EPAS1: variants seen among roughly 807,000 people sequenced by gnomAD.
The protein encoded by EPAS1 is endothelial PAS domain-containing protein 1.
A neutral mutation model predicts 87.9 loss-of-function variants in EPAS1; 23 were observed. That is an observed-to-expected ratio of 0.26 (90% CI 0.19 to 0.37). The LOEUF (loss-of-function observed/expected upper bound fraction) is 0.37, where lower values mean the gene tolerates loss of function less well. Among genes scored for constraint, EPAS1 ranks in the 10% least tolerant of loss-of-function variants. The probability of loss-of-function intolerance (pLI) is 1.00; values close to 1 mark genes in which losing one functional copy is unlikely to be tolerated. For missense variants in EPAS1, 1,138 were observed against 1,120.7 expected, an observed-to-expected ratio of 1.02 and a Z score of -0.22; for synonymous variants, 508 against 444.3, an observed-to-expected ratio of 1.14 and a Z score of -1.80.
chr2:46,361,121 C>A (rs755226813), intron 6 of EPAS1, 31 bp downstream of exon 6: 5 of 1,607,926 alleles, frequency 3.1e-6, no homozygotes, highest in Admixed American at 3.3e-5. Flanking sequence ...ATGCTGTGGG[C>A]AGAGATGGGT....
chr2:46,358,264 C>A (rs1255617525), intron 4 of EPAS1, among the ~76,000 whole-genome samples: 1 of 152,228 alleles, frequency 6.6e-6, no homozygotes, highest in African/African-American at 2.4e-5. Context: ...TCACCCAGCT[C>A]CTCTGCTCTC....
At chr2:46,307,731 G>A (rs919711444) in intron 1 of EPAS1, among the ~76,000 whole-genome samples, 6 of 152,086 alleles carry the variant, frequency 3.9e-5, no homozygotes, top group African/African-American at 1.2e-4. Context: ...TTTCCCTGCC[G>A]ACTGACTGGA....
chr2:46,299,094 G>T (rs955709414), intron 1 of EPAS1, among the ~76,000 whole-genome samples: 1 of 152,260 alleles, frequency 6.6e-6, no homozygotes, highest in African/African-American at 2.4e-5. Context: ...CTCGCTAAGG[G>T]AGGGAGGTGA....
At position 46,313,601 on chromosome 2, in the gene EPAS1, A is replaced by G. The variant is rs546125722; in HGVS notation, c.26+15664A>G. 2.2e-4 allele frequency among the ~76,000 whole-genome samples: 34 copies of G among 152,142 alleles called. 1 individual carries two copies. In the East Asian group the frequency reaches 6.0e-3, roughly 27 times the overall value. Reference sequence around the variant, plus strand: ...TGAGTAGCGGGGATTACAGGCACGCACCACCATGCCAGGCTAATATTTGTA... The same window carrying G: ...TGAGTAGCGGGGATTACAGGCACGCGCCACCATGCCAGGCTAATATTTGTA... On this transcript the variant is annotated intron_variant, in intron 1 of 15. Coordinates refer to ENST00000263734, the MANE Select transcript of EPAS1 (RefSeq NM_001430.5).
rs747106791 is a variant in EPAS1, at chr2:46,378,051, C to A, written c.1407C>A (p.Thr469=). 10 of 1,607,100 alleles carry A rather than the reference C, an allele frequency of 6.2e-6. No individual in the cohort carries two copies. The South Asian group carries it at 1.0e-4, about 16-fold the overall frequency. The change falls in exon 10 of 16, where the codon ACC becomes ACA. Residue 469 remains threonine (T), a synonymous_variant. Transcript: ENST00000263734. ...AGGCAGCTGCCCCGGGCAGCACCAC[C>A]CCCAGTGCCACCAGCAGCAGCAGCA... The part of the protein sequence containing the change: ...VPQAAAPGST[T]PSATSSSSSC...
chr2:46,376,629 T>C lies in EPAS1; in HGVS notation c.1125T>C (p.Asp375=). The C allele has an allele frequency of 6.2e-7, 1 of 1,614,180 alleles. No homozygotes were observed. The highest frequency in any genetic ancestry group is 8.5e-7 in the Non-Finnish European group (1 of 1,180,024). ...PHLMAMNSIF[D]SSGKGAVSEK... The stretch of plus-strand genomic sequence containing the variant: ...TGATGGCCATGAACAGCATCTTTGA[T>C]AGCAGTGGCAAGGGGGCTGTGTCTG... Residue 375 remains aspartate (D), a synonymous_variant, in exon 9 of 16, where the codon GAT becomes GAC. Transcript: ENST00000263734.
intron 1 of EPAS1, among the ~76,000 whole-genome samples, chr2:46,301,007 A>C (rs1364571338): frequency 6.6e-6 from 1 of 152,244 alleles, no homozygotes; most frequent in Non-Finnish European, 1.5e-5. Flanking sequence ...TCCACACTTG[A>C]TATGTTTCCA....
chr2:46,356,682 C>T (rs139599383), intron 3 of EPAS1, 42 bp from the exon 4 acceptor site: 1 of 1,481,204 alleles, frequency 6.8e-7, no homozygotes. Flanking sequence ...TCTTTTACTT[C>T]ACTGTTAGGA....
At chr2:46,353,368 G>C (rs1239574706) in intron 2 of EPAS1, among the ~76,000 whole-genome samples, 1 of 152,220 alleles carries the variant, frequency 6.6e-6, no homozygotes, top group South Asian at 2.1e-4. Context: ...CCCAGCAGGG[G>C]CCCGTCCAGG....
chr2:46,332,924 CA>C (rs1229688296), intron 1 of EPAS1, among the ~76,000 whole-genome samples: 10 of 152,140 alleles, frequency 6.6e-5, no homozygotes, highest in Non-Finnish European at 1.5e-4. Flanking sequence ...TGGGACGGGT[CA>C]GGAGGGGAGG....
chr2:46,345,392 C>A (rs549116168), intron 1 of EPAS1, among the ~76,000 whole-genome samples: 33 of 152,278 alleles, frequency 2.2e-4, no homozygotes, highest in Non-Finnish European at 4.1e-4. Flanking sequence ...AAAAAACTCC[C>A]TTTAACCTCA....
chr2:46,339,849 G>A (rs1238121946), intron 1 of EPAS1, among the ~76,000 whole-genome samples: 3 of 152,184 alleles, frequency 2.0e-5, no homozygotes, highest in Admixed American at 6.5e-5. Context: ...ATGGTGGAAG[G>A]GGTGAGAGGG....
At chr2:46,302,418 C>G (rs1481715735) in intron 1 of EPAS1, among the ~76,000 whole-genome samples, 2 of 151,926 alleles carry the variant, frequency 1.3e-5, no homozygotes, top group East Asian at 3.9e-4. Context: ...TTTATTTTAG[C>G]CTGATGAATC....
At position 46,346,731 on chromosome 2, in the gene EPAS1, C is replaced by A; in HGVS notation, c.27-142C>A. 1 of 837,634 alleles carries A rather than the reference C, an allele frequency of 1.2e-6. No individual in the cohort carries two copies. The highest frequency in any genetic ancestry group is 1.9e-6 in the Non-Finnish European group (1 of 513,754). 51.9% of individuals were successfully genotyped at this position (837,634 alleles called of 1,614,324 possible). On this transcript the variant is annotated intron_variant, in intron 1 of 15. Coordinates refer to ENST00000263734, the MANE Select transcript of EPAS1 (RefSeq NM_001430.5). The surrounding 1 kb of genome is among the most constrained non-coding windows in gnomAD (Gnocchi z 4.0). The stretch of plus-strand genomic sequence containing the variant: ...ACAATACAAAGCAGGTTGTGTGTGG[C>A]TCAGACAACTGGTGTGAGCCCAGAT...
chr2:46,383,254 G>C (rs1684942115), intron 15 of EPAS1, among the ~76,000 whole-genome samples: 1 of 152,206 alleles, frequency 6.6e-6, no homozygotes, highest in Non-Finnish European at 1.5e-5. Context: ...CAGGTGCTGA[G>C]AACATGCCAA....
At position 46,384,562 on chromosome 2, in the gene EPAS1, C is replaced by T. The variant is rs958179494; in HGVS notation, c.2515C>T (p.Leu839=). 8 of 1,614,242 alleles carry T rather than the reference C, an allele frequency of 5.0e-6. No homozygotes were observed. Among genetic ancestry groups the T allele is most frequent in the Non-Finnish European group, 6.8e-6 (8 of 1,180,042 alleles). The change falls in exon 16 of 16, where the codon CTG becomes TTG. Residue 839 remains leucine (L), a synonymous_variant. Transcript: ENST00000263734. ...ATTTGAGTCCTACCTGCTGCCCGAA[C>T]TGACCAGATATGACTGTGAGGTGAA... ...PSFESYLLPE[L]TRYDCEVNVP...
chr2:46,356,085 C>A (rs1162915751), intron 2 of EPAS1, 66 bp from the exon 3 acceptor site: 9 of 1,526,786 alleles, frequency 5.9e-6, no homozygotes, highest in South Asian at 1.1e-5. Flanking sequence ...AAATGCCTAT[C>A]TGTGCCAGTC....
chr2:46,318,842 T>C (rs1683397498), intron 1 of EPAS1, among the ~76,000 whole-genome samples: 1 of 152,252 alleles, frequency 6.6e-6, no homozygotes, highest in Non-Finnish European at 1.5e-5. Context: ...TTACATGCTA[T>C]TGTGAAATGC....
intron 1 of EPAS1, among the ~76,000 whole-genome samples, chr2:46,331,156 G>C (rs1352869155): frequency 3.3e-5 from 5 of 152,234 alleles, no homozygotes; most frequent in Non-Finnish European, 4.4e-5. Flanking sequence ...CCAGGTCATA[G>C]AGTAAGTGTC....
Sources: allele counts gnomAD v4.1 joint callset (sites outside exome capture counted in the v4.1 genomes callset), GRCh38; gene constraint gnomAD v4.1.1; non-coding constraint Gnocchi (gnomAD v3.1); transcripts MANE v1.5; gene names NCBI Gene and HGNC (gene_info 2026-07-23, HGNC 2026-07-21).